Variants in TMEM132D observed in about 807,000 individuals in gnomAD.
TMEM132D encodes mature OL transmembrane protein.
In TMEM132D, 21 loss-of-function variants were observed where a neutral mutation model predicts 62.3. The ratio of observed to expected loss-of-function variants is 0.34; its 90% CI spans 0.24 to 0.49. The LOEUF (loss-of-function observed/expected upper bound fraction) is 0.49. Among genes scored for constraint, TMEM132D ranks in the 20% least tolerant of loss-of-function variants. The pLI is 0.99. For synonymous variants in TMEM132D, 621 were observed against 575.6 expected (o/e 1.08, Z -1.13); for missense variants, 1,346 against 1,402.8 (o/e 0.96, Z 0.65).
chr12:129,858,970 G>C (rs71466462), intron 1 of TMEM132D, among the ~76,000 whole-genome samples: 1 of 123,720 alleles, frequency 8.1e-6, no homozygotes, highest in South Asian at 2.5e-4. Context: ...GAGTCCGGGG[G>C]AACGGGATGG....
At chr12:129,877,608 C>CGT (rs1874461779) in intron 1 of TMEM132D, among the ~76,000 whole-genome samples, 1 of 91,508 alleles carries the variant, frequency 1.1e-5, no homozygotes, top group African/African-American at 3.3e-5. Flanking sequence ...CAAACGCGCG[C>CGT]GCGCGCACAC....
At chr12:129,084,953 A>C in intron 5 of TMEM132D, 7 of 523,382 alleles carry the variant, frequency 1.3e-5, no homozygotes, top group East Asian at 3.2e-5. Context: ...AGGTTGGTGG[A>C]CTCCTCCCCA....
Position 129,344,714 on chromosome 12 carries a change from A to G in TMEM132D, c.1116-6897T>C, listed in dbSNP as rs547583553. 1.1e-3 allele frequency among the ~76,000 whole-genome samples: 172 copies of G among 152,180 alleles called. 1 individual carries two copies. The highest frequency in any genetic ancestry group is 1.7e-3 in the Non-Finnish European group (117 of 68,006). On this transcript the variant is annotated intron_variant, in intron 3 of 8. Coordinates refer to ENST00000422113, the MANE Select transcript of TMEM132D (RefSeq NM_133448.3). Reference sequence around the variant, plus strand: ...CCTGCCTTTTTCTCTTGCTGCATGAATCAATTTCTTGGTTGCTGTCTCTGT... The same window carrying G: ...CCTGCCTTTTTCTCTTGCTGCATGAGTCAATTTCTTGGTTGCTGTCTCTGT...
At chr12:129,441,397 G>A (rs1230907478) in intron 3 of TMEM132D, among the ~76,000 whole-genome samples, 1 of 152,180 alleles carries the variant, frequency 6.6e-6, no homozygotes, top group African/African-American at 2.4e-5. Flanking sequence ...GGCCACTTGT[G>A]AATGGCGCAT....
At chr12:129,712,116 TATC>T (rs1423566386) in intron 1 of TMEM132D, among the ~76,000 whole-genome samples, 6 of 152,044 alleles carry the variant, frequency 3.9e-5, no homozygotes, top group Non-Finnish European at 7.4e-5. Flanking sequence ...ATTATTTTAT[TATC>T]ATTATTGTTA....
At chr12:129,496,359 C>T (rs1286504113) in intron 3 of TMEM132D, among the ~76,000 whole-genome samples, 3 of 152,074 alleles carry the variant, frequency 2.0e-5, no homozygotes, top group Admixed American at 6.6e-5. Flanking sequence ...TTTTAGAGAG[C>T]AATGGGCAGG....
intron 3 of TMEM132D, among the ~76,000 whole-genome samples, chr12:129,401,194 T>C (rs1159839307): frequency 6.6e-6 from 1 of 152,332 alleles, no homozygotes; most frequent in East Asian, 1.9e-4. Flanking sequence ...CTTGAGATTC[T>C]GCAGATACCC....
chr12:129,565,587 G>T (rs1413724129), intron 2 of TMEM132D, among the ~76,000 whole-genome samples: 1 of 152,172 alleles, frequency 6.6e-6, no homozygotes, highest in African/African-American at 2.4e-5. Context: ...AGAGGAGGGG[G>T]TCATTCAATG....
At chr12:129,463,438 C>CTATTTATTTATT (rs34072279) in intron 3 of TMEM132D, among the ~76,000 whole-genome samples, 37 of 146,090 alleles carry the variant, frequency 2.5e-4, no homozygotes, top group African/African-American at 6.7e-4. Flanking sequence ...GATCCCTGTC[C>CTATTTATTTATT]TATTTATTTA....
intron 1 of TMEM132D, among the ~76,000 whole-genome samples, chr12:129,770,140 G>GTTTTTTTTTTTTTTTTTTTTTTTTTTTTT (rs375230592): frequency 9.6e-6 from 1 of 104,310 alleles, no homozygotes. Context: ...GGTTTTTTTG[G>GTTTTTTTTTTTTTTTTTTTTTTTTTTTTT]TTGTTTTTTT....
At chr12:129,342,761 C>G (rs575497374) in intron 3 of TMEM132D, among the ~76,000 whole-genome samples, 1 of 152,072 alleles carries the variant, frequency 6.6e-6, no homozygotes, top group Admixed American at 6.6e-5. Context: ...AAAAAGTGGG[C>G]GAAGGATATG....
intron 3 of TMEM132D, among the ~76,000 whole-genome samples, chr12:129,372,043 G>C (rs1870618933): frequency 6.6e-6 from 1 of 152,202 alleles, no homozygotes; most frequent in African/African-American, 2.4e-5. Flanking sequence ...TGTCTGTGAA[G>C]ATATTTCTGG....
intron 3 of TMEM132D, among the ~76,000 whole-genome samples, chr12:129,514,466 G>A (rs1173210007): frequency 6.6e-6 from 1 of 152,124 alleles, no homozygotes; most frequent in East Asian, 1.9e-4. Flanking sequence ...TGACATTGAA[G>A]GGCTAGATTT....
At chr12:129,320,990 C>G (rs970736247) in intron 4 of TMEM132D, among the ~76,000 whole-genome samples, 1 of 152,158 alleles carries the variant, frequency 6.6e-6, no homozygotes, top group Non-Finnish European at 1.5e-5. Flanking sequence ...ACCTACCTAC[C>G]TACCTACCTG....
At chr12:129,472,763 C>T (rs558099060) in intron 3 of TMEM132D, among the ~76,000 whole-genome samples, 5 of 152,280 alleles carry the variant, frequency 3.3e-5, no homozygotes, top group East Asian at 1.9e-4. Context: ...TTTTGAAAGA[C>T]GTTCTACTGT....
At chr12:129,345,591 A>T (rs1302675924) in intron 3 of TMEM132D, among the ~76,000 whole-genome samples, 3 of 152,198 alleles carry the variant, frequency 2.0e-5, no homozygotes, top group Non-Finnish European at 4.4e-5. Flanking sequence ...AGTGTTTTGT[A>T]AGTGGGAGGG....
At chr12:129,485,838 T>C (rs1361334612) in intron 3 of TMEM132D, among the ~76,000 whole-genome samples, 1 of 90,500 alleles carries the variant, frequency 1.1e-5, no homozygotes, top group Non-Finnish European at 2.5e-5. Context: ...TAGGAAGGTA[T>C]ATTTGTCATG....
chr12:129,744,939 T>C (rs1434269110), intron 1 of TMEM132D, among the ~76,000 whole-genome samples: 4 of 152,076 alleles, frequency 2.6e-5, no homozygotes, highest in African/African-American at 9.7e-5. Context: ...TGGGAGGTGA[T>C]TGGATCATGG....
intron 3 of TMEM132D, among the ~76,000 whole-genome samples, chr12:129,419,564 T>C (rs1435149056): frequency 6.6e-6 from 1 of 152,138 alleles, no homozygotes; most frequent in Non-Finnish European, 1.5e-5. Flanking sequence ...TTTAAAATAT[T>C]CATTAAAGTT....
Sources: gnomAD v4.1 joint callset for allele counts (sites outside exome capture counted in the v4.1 genomes callset) on GRCh38, gnomAD v4.1.1 for gene constraint, MANE v1.5 for transcripts, NCBI Gene and HGNC (gene_info 2026-07-23, HGNC 2026-07-21) for gene names.